The following PIAS1 variants were observed in gnomAD, a reference collection of about 807,000 sequenced individuals.
PIAS1 encodes the protein protein inhibitor of activated STAT 1.
In PIAS1, 6 loss-of-function variants were observed where a neutral mutation model predicts 71.3. The ratio of observed to expected loss-of-function variants is 0.08; its 90% CI spans 0.05 to 0.17. PIAS1 has a LOEUF of 0.17. Among genes scored for constraint, PIAS1 ranks in the 10% least tolerant of loss-of-function variants. The pLI is 1.00. For synonymous variants in PIAS1, 303 were observed against 292.9 expected, an observed-to-expected ratio of 1.03 and a Z score of -0.35; for missense variants, 555 against 793.6, an observed-to-expected ratio of 0.70 and a Z score of 3.61.
intron 2 of PIAS1, among the ~76,000 whole-genome samples, chr15:68,133,414 T>G (rs1319916674): frequency 1.3e-5 from 2 of 152,030 alleles, no homozygotes; most frequent in Non-Finnish European, 2.9e-5. Context: ...CAAAAAGATT[T>G]GGAAATTCAT....
chr15:68,069,077 G>A (rs1049805149), intron 1 of PIAS1, among the ~76,000 whole-genome samples: 9 of 151,184 alleles, frequency 6.0e-5, no homozygotes, highest in African/African-American at 1.9e-4. Flanking sequence ...TGTATTTTTA[G>A]TAGAGACGGG....
At chr15:68,078,330 C>T (rs1228600551) in intron 1 of PIAS1, among the ~76,000 whole-genome samples, 1 of 152,162 alleles carries the variant, frequency 6.6e-6, no homozygotes, top group African/African-American at 2.4e-5. Flanking sequence ...TTCCTTCTTA[C>T]CTTACATGTA....
At chr15:68,060,354 C>G (rs541497292) in intron 1 of PIAS1, among the ~76,000 whole-genome samples, 1 of 152,034 alleles carries the variant, frequency 6.6e-6, no homozygotes, top group Non-Finnish European at 1.5e-5. Context: ...CATTGCCAGA[C>G]GTGGTAATCC....
intron 1 of PIAS1, chr15:68,055,985 A>G (rs2140947679): frequency 1.5e-6 from 1 of 689,348 alleles, no homozygotes; most frequent in East Asian, 2.7e-5. Flanking sequence ...GAGCAGATTT[A>G]CAATGGATGG....
rs2141108610 is a variant in PIAS1 at position 68,186,074 on chromosome 15, A to G, written c.1663-1468A>G. Among the ~76,000 whole-genome samples, 1 of 152,356 alleles carries G rather than the reference A, an allele frequency of 6.6e-6. No homozygotes were observed. Among genetic ancestry groups the G allele is most frequent in the South Asian group, 2.1e-4 (1 of 4,828 alleles). On this transcript the variant is annotated intron_variant, in intron 13 of 13. Coordinates refer to ENST00000249636, the MANE Select transcript of PIAS1 (RefSeq NM_016166.3). This position sits in a 1 kb window ranked among gnomAD's most constrained non-coding sequence, Gnocchi z 4.4. ...TACTTACAAGCAAACCTATGATAAA[A>G]AAGAAACCAAGCCAAACACCATGGA...
rs1231123976 is a variant in PIAS1 at position 68,136,358 on chromosome 15, G to A, written c.470-5588G>A. ...ACTCCGTCTGCAATCCCGGCGCCTC[G>A]GGAGGCCGAGGCTGGCGGATCACTC... On this transcript the variant is annotated intron_variant, in intron 2 of 13. Coordinates refer to ENST00000249636, the MANE Select transcript of PIAS1 (RefSeq NM_016166.3). 5.0e-4 allele frequency among the ~76,000 whole-genome samples: 22 copies of A among 44,338 alleles called. 5 individuals are homozygous for A. Among genetic ancestry groups the A allele is most frequent in the African/African-American group, 9.4e-4 (22 of 23,314 alleles). 29.1% of individuals were successfully genotyped at this position (44,338 alleles called of 152,430 possible).
intron 12 of PIAS1, chr15:68,181,886 G>A (rs2093055290): frequency 6.5e-6 from 1 of 153,924 alleles, no homozygotes; most frequent in African/African-American, 2.4e-5. Flanking sequence ...TCACTATTTT[G>A]GTCAGGCTGG....
At chr15:68,104,949 G>A (rs1172270080) in intron 2 of PIAS1, among the ~76,000 whole-genome samples, 2 of 152,142 alleles carry the variant, frequency 1.3e-5, no homozygotes, top group Non-Finnish European at 2.9e-5. Context: ...GAAAATATTT[G>A]TCTTTAGTGC....
At chr15:68,108,538 A>T (rs2092492623) in intron 2 of PIAS1, among the ~76,000 whole-genome samples, 1 of 152,146 alleles carries the variant, frequency 6.6e-6, no homozygotes, top group Non-Finnish European at 1.5e-5. Context: ...TAGTAATTAA[A>T]CACTGAGGAC....
intron 11 of PIAS1, among the ~76,000 whole-genome samples, chr15:68,180,390 C>T (rs1476668389): frequency 3.3e-5 from 5 of 152,158 alleles, no homozygotes; most frequent in African/African-American, 1.2e-4. Context: ...AGCCACCATG[C>T]CTGGCCCCAA....
rs2093082465 is a variant in PIAS1 at position 68,185,635 on chromosome 15, T to C, written c.1663-1907T>C. ...ACAGTGAAAGGTTTAGCAGAAGCTTTTGCAGACCTCAACAAGCTCCTTAAA... is the reference window on the plus strand; with the variant it reads ...ACAGTGAAAGGTTTAGCAGAAGCTTCTGCAGACCTCAACAAGCTCCTTAAA... On this transcript the variant is annotated intron_variant, in intron 13 of 13. Transcript: ENST00000249636. The surrounding 1 kb of genome is among the most constrained non-coding windows in gnomAD (Gnocchi z 4.4). Among the ~76,000 whole-genome samples the C allele has an allele frequency of 6.6e-6, 1 of 152,176 alleles. No individual in the cohort carries two copies. The highest frequency in any genetic ancestry group is 2.4e-5 in the African/African-American group (1 of 41,442).
Position 68,185,988 on chromosome 15 carries a change from AC to A in PIAS1, c.1663-1553del, listed in dbSNP as rs1037814673. Among the ~76,000 whole-genome samples the A allele has an allele frequency of 6.6e-6, 1 of 152,166 alleles. No homozygotes were observed. The highest frequency in any genetic ancestry group is 1.5e-5 in the Non-Finnish European group (1 of 68,026). On this transcript the variant is annotated intron_variant, in intron 13 of 13. Coordinates refer to ENST00000249636, the MANE Select transcript of PIAS1 (RefSeq NM_016166.3). This position sits in a 1 kb window ranked among gnomAD's most constrained non-coding sequence, Gnocchi z 4.4. ...CTCAAAAACAAAACAAACAAAAAAA[AC>A]ATGGGCCCTAACAATGAAAGGTTTT... is the stretch of plus-strand genomic sequence containing the variant.
At chr15:68,070,868 A>C (rs62002452) in intron 1 of PIAS1, among the ~76,000 whole-genome samples, 1 of 151,848 alleles carries the variant, frequency 6.6e-6, no homozygotes, top group Non-Finnish European at 1.5e-5. Flanking sequence ...TGATTGTCCT[A>C]CCTCAGCCTC....
At position 68,181,738 on chromosome 15, in the gene PIAS1, C is replaced by T. The variant is rs868502788; in HGVS notation, c.1624+384C>T. The T allele has an allele frequency of 3.6e-5, 6 of 167,932 alleles. No individual in the cohort carries two copies. The East Asian group carries it at 6.7e-4, about 19-fold the overall frequency. 10.4% of individuals were successfully genotyped at this position (167,932 alleles called of 1,614,324 possible). ...TTGCCTGGGCTGGAGTGCGGTGGCA[C>T]GATCTCAGCTCACTACAACCTCCGC... is the stretch of plus-strand genomic sequence containing the variant. On this transcript the variant is annotated intron_variant, in intron 12 of 13. Coordinates refer to ENST00000249636, the MANE Select transcript of PIAS1 (RefSeq NM_016166.3).
At chr15:68,184,711 C>T (rs543551370) in intron 13 of PIAS1, 2 of 152,380 alleles carry the variant, frequency 1.3e-5, no homozygotes, top group Admixed American at 6.5e-5. Flanking sequence ...ATTTTCAATA[C>T]GCATGAAACC....
intron 2 of PIAS1, among the ~76,000 whole-genome samples, chr15:68,137,743 A>G (rs2092743388): frequency 6.6e-6 from 1 of 152,210 alleles, no homozygotes; most frequent in African/African-American, 2.4e-5. Context: ...TGATTATTGT[A>G]TGGATTAACT....
chr15:68,089,509 G>T (rs771299805), intron 2 of PIAS1, among the ~76,000 whole-genome samples: 7 of 151,940 alleles, frequency 4.6e-5, no homozygotes, highest in Non-Finnish European at 8.8e-5. Flanking sequence ...TTCTTCCCCA[G>T]CCAGAATCAA....
chr15:68,147,333 CT>C (rs1045519066), intron 6 of PIAS1, among the ~76,000 whole-genome samples: 22 of 151,980 alleles, frequency 1.4e-4, no homozygotes, highest in Non-Finnish European at 2.9e-5. Context: ...TTAATTAGTA[CT>C]TTTTTCATTA....
At chr15:68,130,219 AC>A (rs2092680664) in intron 2 of PIAS1, among the ~76,000 whole-genome samples, 1 of 152,034 alleles carries the variant, frequency 6.6e-6, no homozygotes, top group South Asian at 2.1e-4. Context: ...TAATAAATAA[AC>A]CTTAAAAGAA....
Sources: allele counts gnomAD v4.1 joint callset (sites outside exome capture counted in the v4.1 genomes callset), GRCh38; gene constraint gnomAD v4.1.1; non-coding constraint Gnocchi (gnomAD v3.1); transcripts MANE v1.5; gene names NCBI Gene and HGNC (gene_info 2026-07-23, HGNC 2026-07-21).